Variants in MAP4K4 observed in about 807,000 individuals in gnomAD.
MAP4K4 encodes HPK/GCK-like kinase HGK.
Under a neutral mutation model 189.6 loss-of-function variants are expected in MAP4K4, and 38 were observed. The observed-to-expected ratio is 0.20, with a 90% CI of 0.15 to 0.26. The LOEUF is 0.26. Ranked by LOEUF, MAP4K4 falls within the 10% of genes least tolerant of loss-of-function variation. The pLI is 1.00. For missense variants in MAP4K4, 1,054 were observed against 1,726.9 expected (o/e 0.61, Z 6.91); for synonymous variants, 610 against 624.3 (o/e 0.98, Z 0.34).
intron 2 of MAP4K4, among the ~76,000 whole-genome samples, chr2:101,757,047 T>C (rs2073235136): frequency 6.6e-6 from 1 of 152,170 alleles, no homozygotes; most frequent in Non-Finnish European, 1.5e-5. Context: ...GTTGGACTTC[T>C]AAGGTCTCAT....
chr2:101,871,357 A>G (rs1239381174), intron 23 of MAP4K4, 137 bp from the exon 24 acceptor site: 1 of 654,098 alleles, frequency 1.5e-6, no homozygotes, highest in African/African-American at 1.8e-5. Context: ...TGAGCAGTTC[A>G]GGCTAATTTC....
intron 2 of MAP4K4, among the ~76,000 whole-genome samples, chr2:101,769,286 A>G (rs971081607): frequency 6.6e-6 from 1 of 152,214 alleles, no homozygotes; most frequent in Non-Finnish European, 1.5e-5. Context: ...AATATTTACC[A>G]TTAGCCGGTT....
intron 23 of MAP4K4, among the ~76,000 whole-genome samples, chr2:101,871,215 G>T (rs1350034416): frequency 6.6e-6 from 1 of 152,118 alleles, no homozygotes; most frequent in African/African-American, 2.4e-5. Context: ...AAAAAAAAAG[G>T]ATACTGGTTT....
In MAP4K4 at chr2:101,715,369, A is replaced by T. The variant is rs114771457; in HGVS notation, c.123+16831A>T. ...CTGGAGATGAGAGTTTCAACATGTC[A>T]GTAATTTTTGGGGGATCACGGTTTC... On this transcript the variant is annotated intron_variant, in intron 2 of 32. Coordinates refer to ENST00000324219, the Ensembl canonical transcript of MAP4K4. Among the ~76,000 whole-genome samples the T allele has an allele frequency of 5.9e-3, 906 of 152,338 alleles. 6 individuals are homozygous for T. The highest frequency in any genetic ancestry group is 8.9e-3 in the Non-Finnish European group (607 of 68,026).
intron 3 of MAP4K4, among the ~76,000 whole-genome samples, chr2:101,808,488 C>G (rs1458054812): frequency 6.6e-6 from 1 of 152,044 alleles, no homozygotes; most frequent in Non-Finnish European, 1.5e-5. Flanking sequence ...CTGGTTACTT[C>G]TGCTTATCAG....
At chr2:101,802,519 C>A (rs1201439270) in intron 3 of MAP4K4, among the ~76,000 whole-genome samples, 1 of 152,142 alleles carries the variant, frequency 6.6e-6, no homozygotes, top group Non-Finnish European at 1.5e-5. Context: ...ACCCTGCTCG[C>A]CTGATCCCGC....
At chr2:101,700,129 T>TG (rs2037496450) in intron 2 of MAP4K4, among the ~76,000 whole-genome samples, 1 of 152,216 alleles carries the variant, frequency 6.6e-6, no homozygotes, top group Admixed American at 6.5e-5. Flanking sequence ...GTGTCTTACT[T>TG]GGTCAGCATG....
chr2:101,833,848 A>T (rs2096660599), intron 7 of MAP4K4, among the ~76,000 whole-genome samples: 1 of 152,186 alleles, frequency 6.6e-6, no homozygotes, highest in Non-Finnish European at 1.5e-5. Context: ...TTTGGTTTGC[A>T]GGTAGGGTGG....
At chr2:101,821,700 A>G in intron 3 of MAP4K4, among the ~76,000 whole-genome samples, 1 of 152,208 alleles carries the variant, frequency 6.6e-6, no homozygotes, top group East Asian at 1.9e-4. Flanking sequence ...CATTACTGGT[A>G]TACTTCATAA....
chr2:101,816,332 C>T (rs1044275047), intron 3 of MAP4K4, among the ~76,000 whole-genome samples: 3 of 152,182 alleles, frequency 2.0e-5, no homozygotes, highest in South Asian at 2.1e-4. Flanking sequence ...TATGTAAGCA[C>T]GAGCTCTGGT....
chr2:101,854,370 A>G (rs2097377859), intron 12 of MAP4K4, among the ~76,000 whole-genome samples: 1 of 152,186 alleles, frequency 6.6e-6, no homozygotes, highest in African/African-American at 2.4e-5. Context: ...TTATGACCCC[A>G]TCTCCACCCA....
chr2:101,870,185 A>G (rs1292460053), intron 22 of MAP4K4, 110 bp from the exon 23 acceptor site: 5 of 1,121,912 alleles, frequency 4.5e-6, no homozygotes, highest in East Asian at 2.6e-5. Context: ...AGGAGGCTTT[A>G]TATCGGTAGC....
At chr2:101,747,861 T>C (rs1287077088) in intron 2 of MAP4K4, among the ~76,000 whole-genome samples, 2 of 152,230 alleles carry the variant, frequency 1.3e-5, no homozygotes, top group African/African-American at 4.8e-5. Flanking sequence ...ATGGAAATAC[T>C]AAGGAGGTAA....
At chr2:101,737,219 T>A (rs2149690186) in intron 2 of MAP4K4, among the ~76,000 whole-genome samples, 1 of 151,828 alleles carries the variant, frequency 6.6e-6, no homozygotes, top group African/African-American at 2.4e-5. Flanking sequence ...GGTGAGTGGG[T>A]GTGTGGTTTC....
At chr2:101,747,443 T>C (rs2066229956) in intron 2 of MAP4K4, among the ~76,000 whole-genome samples, 1 of 152,290 alleles carries the variant, frequency 6.6e-6, no homozygotes, top group Middle Eastern at 3.4e-3. Context: ...TAGTCAAGAA[T>C]GGTGTATATT....
intron 16 of MAP4K4, among the ~76,000 whole-genome samples, chr2:101,862,795 C>T (rs546929008): frequency 6.6e-5 from 10 of 152,072 alleles, no homozygotes; most frequent in Non-Finnish European, 1.5e-4. Context: ...TAGGATTATA[C>T]CAATATCTGG....
At chr2:101,887,632 T>C (rs2098506801) in intron 30 of MAP4K4, 146 bp from the exon 31 acceptor site, 1 of 599,162 alleles carries the variant, frequency 1.7e-6, no homozygotes, top group African/African-American at 1.9e-5. Context: ...ATATATTGCA[T>C]GACTATTCTA....
At chr2:101,842,799 T>A (rs1279091011) in intron 11 of MAP4K4, 118 bp downstream of exon 11, 1 of 648,216 alleles carries the variant, frequency 1.5e-6, no homozygotes, top group African/African-American at 1.8e-5. Flanking sequence ...TTAGACAGCA[T>A]CTTACTATCT....
chr2:101,762,252 CAGTA>C (rs1214879770), intron 2 of MAP4K4, among the ~76,000 whole-genome samples: 3 of 152,176 alleles, frequency 2.0e-5, no homozygotes, highest in Admixed American at 1.3e-4. Context: ...AAGAAATCCT[CAGTA>C]AGAGAATATG....
Sources: allele counts gnomAD v4.1 joint callset (sites outside exome capture counted in the v4.1 genomes callset), GRCh38; gene constraint gnomAD v4.1.1; transcripts MANE v1.5; gene names NCBI Gene and HGNC (gene_info 2026-07-23, HGNC 2026-07-21).